PHLPP1: variants seen among roughly 807,000 people sequenced by gnomAD.
The protein encoded by PHLPP1 is PH domain and leucine rich repeat protein phosphatase 1, also known as PH domain leucine-rich repeat-containing protein phosphatase 1.
A neutral mutation model predicts 117.2 loss-of-function variants in PHLPP1; 42 were observed. The ratio of observed to expected loss-of-function variants is 0.36; its 90% CI spans 0.28 to 0.46. The LOEUF (loss-of-function observed/expected upper bound fraction) is 0.46. Ranked by LOEUF, PHLPP1 falls within the 20% of genes least tolerant of loss-of-function variation. PHLPP1 has a pLI of 1.00. For synonymous variants in PHLPP1, 1,042 were observed against 970.7 expected, an observed-to-expected ratio of 1.07 and a Z score of -1.37; for missense variants, 2,084 against 2,241.9, an observed-to-expected ratio of 0.93 and a Z score of 1.42.
At chr18:62,818,967 C>T (rs1371790291) in intron 1 of PHLPP1, among the ~76,000 whole-genome samples, 1 of 152,132 alleles carries the variant, frequency 6.6e-6, no homozygotes, top group African/African-American at 2.4e-5. Context: ...AGTAATATAC[C>T]ATTATATAGT....
intron 3 of PHLPP1, among the ~76,000 whole-genome samples, chr18:62,844,686 A>T (rs1354915243): frequency 6.6e-6 from 1 of 152,192 alleles, no homozygotes; most frequent in Non-Finnish European, 1.5e-5. Flanking sequence ...TTACAACACC[A>T]TTATCTATAT....
intron 1 of PHLPP1, among the ~76,000 whole-genome samples, chr18:62,719,732 G>A (rs1042711096): frequency 2.0e-5 from 3 of 152,104 alleles, no homozygotes; most frequent in African/African-American, 4.8e-5. Context: ...TATAGTTGGG[G>A]TTAAGGATAG....
chr18:62,765,712 G>A (rs1295789127), intron 1 of PHLPP1, among the ~76,000 whole-genome samples: 1 of 152,060 alleles, frequency 6.6e-6, no homozygotes, highest in East Asian at 1.9e-4. Flanking sequence ...GTACAGAAAA[G>A]GGGCCGGGCG....
chr18:62,730,603 C>T lies in PHLPP1; in HGVS notation c.1576+13344C>T, dbSNP rs140084758. 8.0e-3 allele frequency among the ~76,000 whole-genome samples: 1,216 copies of T among 152,176 alleles called. 49 individuals carry two copies. The highest frequency in any genetic ancestry group is 0.056 in the Admixed American group (857 of 15,288). On this transcript the variant is annotated intron_variant, in intron 1 of 16. Coordinates refer to ENST00000262719, the MANE Select transcript of PHLPP1 (RefSeq NM_194449.4). ...TTGGGAGGCCGAGGCAGGTGGATCACCTGAGGTCAGGAGTTCGAGACCAGT... is the reference window on the plus strand; with the variant it reads ...TTGGGAGGCCGAGGCAGGTGGATCATCTGAGGTCAGGAGTTCGAGACCAGT...
chr18:62,849,766 G>A (rs1385289353), intron 3 of PHLPP1, among the ~76,000 whole-genome samples: 2 of 107,778 alleles, frequency 1.9e-5, no homozygotes, highest in African/African-American at 7.4e-5. Flanking sequence ...TTCAAGGCAA[G>A]CCTGGGCAAC....
intron 1 of PHLPP1, among the ~76,000 whole-genome samples, chr18:62,729,271 G>C (rs1465149377): frequency 2.0e-5 from 3 of 152,102 alleles, no homozygotes; most frequent in Non-Finnish European, 4.4e-5. Flanking sequence ...TCTGTGTGTT[G>C]GACAACTAGG....
intron 10 of PHLPP1, among the ~76,000 whole-genome samples, chr18:62,936,619 A>G (rs1006394124): frequency 1.3e-5 from 2 of 152,208 alleles, no homozygotes; most frequent in Non-Finnish European, 2.9e-5. Flanking sequence ...GGCCTCACAT[A>G]TATCCTGATG....
intron 10 of PHLPP1, among the ~76,000 whole-genome samples, chr18:62,939,026 T>C (rs1181164780): frequency 2.0e-5 from 3 of 150,504 alleles, no homozygotes; most frequent in African/African-American, 4.9e-5. Flanking sequence ...GTTTCGCTCT[T>C]GTTGCCCAGG....
At position 62,788,405 on chromosome 18, in the gene PHLPP1, A is replaced by G. The variant is rs551357108; in HGVS notation, c.1577-41630A>G. Among the ~76,000 whole-genome samples, 16 of 152,320 alleles carry G rather than the reference A, an allele frequency of 1.1e-4. 1 individual carries two copies. In the South Asian group the frequency reaches 2.9e-3, roughly 28 times the overall value. On this transcript the variant is annotated intron_variant, in intron 1 of 16. Transcript: ENST00000262719. ...TGTAATCTCACTGTAATTACCAGGG[A>G]CAAGTTAGAAATCAGTCCCTCCCTT... is the stretch of plus-strand genomic sequence containing the variant.
At chr18:62,922,328 G>C (rs562015425) in intron 10 of PHLPP1, among the ~76,000 whole-genome samples, 312 of 152,264 alleles carry the variant, frequency 2.0e-3, no homozygotes, top group Admixed American at 4.5e-3. Context: ...GTAGAGATGG[G>C]GTTTCCCCAT....
chr18:62,941,574 A>G, intron 10 of PHLPP1, 144 bp from the exon 11 acceptor site: 1 of 618,806 alleles, frequency 1.6e-6, no homozygotes, highest in East Asian at 2.7e-5. Context: ...AATACTTGCT[A>G]ATTGAACTCC....
chr18:62,863,546 A>G (rs1380060636), intron 4 of PHLPP1, among the ~76,000 whole-genome samples: 1 of 152,124 alleles, frequency 6.6e-6, no homozygotes, highest in Non-Finnish European at 1.5e-5. Context: ...TCAGTGGGGT[A>G]GATTATTTAT....
intron 10 of PHLPP1, among the ~76,000 whole-genome samples, chr18:62,920,629 G>A (rs1056689600): frequency 2.4e-4 from 36 of 151,666 alleles, no homozygotes; most frequent in African/African-American, 8.7e-4. Flanking sequence ...GTGTGATCTC[G>A]GCTCACTGGA....
chr18:62,801,613 C>T (rs751613152), intron 1 of PHLPP1, among the ~76,000 whole-genome samples: 20 of 151,712 alleles, frequency 1.3e-4, no homozygotes, highest in East Asian at 2.0e-4. Context: ...CCACCATGCC[C>T]GGCTAATTTT....
intron 3 of PHLPP1, among the ~76,000 whole-genome samples, chr18:62,858,508 C>T (rs1383977859): frequency 6.6e-6 from 1 of 152,204 alleles, no homozygotes; most frequent in Non-Finnish European, 1.5e-5. Context: ...AATGATCCAC[C>T]TGCCTTGGCC....
chr18:62,895,362 C>A (rs1310384734), intron 5 of PHLPP1, among the ~76,000 whole-genome samples: 1 of 152,160 alleles, frequency 6.6e-6, no homozygotes, highest in Non-Finnish European at 1.5e-5. Context: ...ATTAAATATT[C>A]TTGTTTAGAA....
chr18:62,831,989 G>A (rs1914771002), intron 2 of PHLPP1, among the ~76,000 whole-genome samples: 1 of 152,178 alleles, frequency 6.6e-6, no homozygotes, highest in Non-Finnish European at 1.5e-5. Context: ...TTGCCCTGTG[G>A]ATGGATGGAT....
chr18:62,972,844 A>G, intron 15 of PHLPP1, 136 bp downstream of exon 15: 1 of 670,916 alleles, frequency 1.5e-6, no homozygotes. Context: ...GCATTCAGGC[A>G]AGTTTGGTGT....
At chr18:62,861,982 A>ACCAAC (rs1915642549) in intron 4 of PHLPP1, among the ~76,000 whole-genome samples, 1 of 152,230 alleles carries the variant, frequency 6.6e-6, no homozygotes, top group South Asian at 2.1e-4. Flanking sequence ...GGTCATTTGG[A>ACCAAC]GAGTACTACT....
Sources: allele counts gnomAD v4.1 joint callset (sites outside exome capture counted in the v4.1 genomes callset), GRCh38; gene constraint gnomAD v4.1.1; transcripts MANE v1.5; gene names NCBI Gene and HGNC (gene_info 2026-07-23, HGNC 2026-07-21).